SHE: variants seen among roughly 807,000 people sequenced by gnomAD.
SHE encodes the protein Src homology 2 domain containing E, also known as SH2 domain-containing adapter protein E.
In SHE, 11 loss-of-function variants were observed where a neutral mutation model predicts 49.8. That is an observed-to-expected ratio of 0.22 (90% CI 0.14 to 0.37). The LOEUF (loss-of-function observed/expected upper bound fraction) is 0.37. Ranked by LOEUF, SHE falls within the 10% of genes least tolerant of loss-of-function variation. The pLI is 1.00. For synonymous variants in SHE, 310 were observed against 278.1 expected (o/e 1.11, Z -1.14); for missense variants, 624 against 655.5 (o/e 0.95, Z 0.52).
At chr1:154,488,732 G>A (rs1363031440) in intron 3 of SHE, among the ~76,000 whole-genome samples, 1 of 151,854 alleles carries the variant, frequency 6.6e-6, no homozygotes, top group Non-Finnish European at 1.5e-5. Context: ...GATTACACGC[G>A]CCCAGCACCA....
intron 2 of SHE, among the ~76,000 whole-genome samples, chr1:154,498,221 T>C (rs542325309): frequency 1.3e-5 from 2 of 151,144 alleles, no homozygotes; most frequent in Non-Finnish European, 2.9e-5. Context: ...GCCTCCCAAG[T>C]AGCTGGGATT....
At chr1:154,496,126 C>A (rs1026900497) in intron 2 of SHE, among the ~76,000 whole-genome samples, 5 of 152,190 alleles carry the variant, frequency 3.3e-5, no homozygotes, top group Non-Finnish European at 5.9e-5. Flanking sequence ...GTTATTCTGT[C>A]CAGCTTGTAA....
At chr1:154,499,805 T>C (rs1398977255) in intron 1 of SHE, among the ~76,000 whole-genome samples, 1 of 152,152 alleles carries the variant, frequency 6.6e-6, no homozygotes, top group Non-Finnish European at 1.5e-5. Flanking sequence ...AACAGTATTG[T>C]AGGTGTTCTA....
At chr1:154,497,349 T>C (rs140615642) in intron 2 of SHE, among the ~76,000 whole-genome samples, 1,635 of 152,366 alleles carry the variant, frequency 0.011, 15 homozygotes, top group Non-Finnish European at 0.016. Flanking sequence ...GACCAGTTAC[T>C]CTTCCCAGGC....
In SHE at chr1:154,501,567, C is replaced by T. The variant is rs267598056; in HGVS notation, c.460G>A (p.Glu154Lys). 6.2e-7 allele frequency: 1 copy of T among 1,614,100 alleles called. No homozygotes were observed. The stretch of plus-strand genomic sequence containing the variant: ...GGGTAGTTGCTCTTCCCGTTCTTCT[C>T]CTGAGTGTCCACCTTGATGAGCCTG... ...INRLIKVDTQ[E>K]KNGKSNYPSS... The change falls in exon 1 of 6, where the codon GAG becomes AAG. Residue 154 changes from glutamate to lysine, a missense_variant. Coordinates refer to ENST00000304760, the MANE Select transcript of SHE (RefSeq NM_001010846.3).
At position 154,484,117 on chromosome 1, in the gene SHE, G is replaced by A. The variant is rs1692098371; in HGVS notation, c.*32C>T. 1 of 1,598,774 alleles carries A rather than the reference G, an allele frequency of 6.3e-7. No homozygotes were observed. The highest frequency in any genetic ancestry group is 2.2e-5 in the East Asian group (1 of 44,562). ...GTGCGCTGATGATGCCCTTGAAGGT[G>A]CCAGAGGCCCAGGGCTTGCAGTGGC... On this transcript the variant is annotated 3_prime_UTR_variant, in exon 6 of 6. Coordinates refer to ENST00000304760, the MANE Select transcript of SHE (RefSeq NM_001010846.3).
At chr1:154,470,736 A>G (rs1012594363) in intron 1 of SHE, among the ~76,000 whole-genome samples, 1 of 152,198 alleles carries the variant, frequency 6.6e-6, no homozygotes, top group African/African-American at 2.4e-5. Flanking sequence ...GCTATTCTGG[A>G]GGCTGAGGCA....
At chr1:154,485,613 C>T in intron 5 of SHE, 1 of 215,026 alleles carries the variant, frequency 4.7e-6, no homozygotes, top group Non-Finnish European at 9.6e-6. Context: ...GACTGTACTA[C>T]CCTGTTAGAA....
At position 154,480,381 on chromosome 1, in the gene SHE, C is replaced by T; in HGVS notation, c.*3768G>A. 1 of 985,372 alleles carries T rather than the reference C, an allele frequency of 1.0e-6. No individual in the cohort carries two copies. The highest frequency in any genetic ancestry group is 4.7e-5 in the South Asian group (1 of 21,280). 61.0% of individuals were successfully genotyped at this position (985,372 alleles called of 1,614,324 possible). A position where few individuals can be genotyped will look rare whatever the true frequency, so the allele number is the denominator to read the frequency against. On this transcript the variant is annotated 3_prime_UTR_variant, in exon 6 of 6. Transcript: ENST00000304760. ...GGCATCTGACAGAACAGAAACTAACCCCACTTAACCCGCAACTGAAGAATG... is the reference window on the plus strand; with the variant it reads ...GGCATCTGACAGAACAGAAACTAACTCCACTTAACCCGCAACTGAAGAATG...
At chr1:154,474,047 A>G (rs1691816908) in intron 1 of SHE, among the ~76,000 whole-genome samples, 2 of 152,204 alleles carry the variant, frequency 1.3e-5, no homozygotes, top group South Asian at 4.1e-4. Context: ...TGCTTTTGCC[A>G]TGGGGCTCCG....
intron 2 of SHE, among the ~76,000 whole-genome samples, chr1:154,494,466 G>T (rs1692463333): frequency 6.9e-6 from 1 of 144,624 alleles, no homozygotes; most frequent in Non-Finnish European, 1.5e-5. Context: ...CTCCCACCTT[G>T]GCCTCCCAGA....
At chr1:154,487,748 G>A (rs757816713) in intron 3 of SHE, among the ~76,000 whole-genome samples, 12 of 151,422 alleles carry the variant, frequency 7.9e-5, no homozygotes, top group Non-Finnish European at 1.5e-4. Flanking sequence ...TCTTCGGGGG[G>A]CTGAGGTGAG....
At chr1:154,493,902 T>A (rs1274574392) in intron 2 of SHE, among the ~76,000 whole-genome samples, 1 of 152,214 alleles carries the variant, frequency 6.6e-6, no homozygotes, top group Admixed American at 6.5e-5. Flanking sequence ...ACAGATGTGT[T>A]ACCCCATTTT....
intron 1 of SHE, among the ~76,000 whole-genome samples, chr1:154,501,037 G>C (rs1184537110): frequency 6.6e-6 from 1 of 152,192 alleles, no homozygotes; most frequent in African/African-American, 2.4e-5. Context: ...CTACACACTT[G>C]AGAGGTTACC....
chr1:154,479,247 G>A (rs116761273), downstream of SHE, among the ~76,000 whole-genome samples: 3,801 of 152,258 alleles, frequency 0.025, 154 homozygotes, highest in African/African-American at 0.086. Flanking sequence ...GGAAATGGCA[G>A]TAAAACATCA....
intron 3 of SHE, among the ~76,000 whole-genome samples, chr1:154,488,091 T>C (rs1382307231): frequency 6.7e-6 from 1 of 149,132 alleles, no homozygotes; most frequent in Non-Finnish European, 1.5e-5. Flanking sequence ...TACAGGTGCG[T>C]GCCACAACAC....
chr1:154,480,883 A>T lies in SHE; in HGVS notation c.*3266T>A, dbSNP rs1692000917. 2 of 985,314 alleles carry T rather than the reference A, an allele frequency of 2.0e-6. No homozygotes were observed. Among genetic ancestry groups the T allele is most frequent in the Admixed American group, 1.2e-4 (2 of 16,262 alleles). The allele number at this position is 985,314 out of a possible 1,614,324, so 61.0% of individuals were successfully genotyped here. On this transcript the variant is annotated 3_prime_UTR_variant, in exon 6 of 6. Transcript: ENST00000304760. Reference sequence around the variant, plus strand: ...CTTCTTATAGGCCTGAAACTAACCAACTGAACTTGTCCAGTCATCGCAAGC... The same window carrying T: ...CTTCTTATAGGCCTGAAACTAACCATCTGAACTTGTCCAGTCATCGCAAGC...
chr1:154,496,988 C>A (rs1692550685), intron 2 of SHE, among the ~76,000 whole-genome samples: 3 of 151,832 alleles, frequency 2.0e-5, no homozygotes, highest in Non-Finnish European at 2.9e-5. Context: ...AAAGTAAATT[C>A]TTTTCCCTAT....
At chr1:154,493,013 T>C (rs1013444891) in intron 2 of SHE, among the ~76,000 whole-genome samples, 9 of 152,056 alleles carry the variant, frequency 5.9e-5, no homozygotes, top group African/African-American at 2.2e-4. Context: ...TAAAATAAAA[T>C]AAAATGATGT....
Sources: gnomAD v4.1 joint callset for allele counts (sites outside exome capture counted in the v4.1 genomes callset) on GRCh38, gnomAD v4.1.1 for gene constraint, MANE v1.5 for transcripts, NCBI Gene and HGNC (gene_info 2026-07-23, HGNC 2026-07-21) for gene names.